ITGAV: variants seen among roughly 807,000 people sequenced by gnomAD.
ITGAV encodes integrin subunit alpha V, also known as integrin alpha-V.
Under a neutral mutation model 143.8 loss-of-function variants are expected in ITGAV, and 76 were observed. The ratio of observed to expected loss-of-function variants is 0.53; its 90% CI spans 0.44 to 0.64. The LOEUF is 0.64. ITGAV is among the 30% of genes least tolerant of loss of function. The pLI, the probability that ITGAV is intolerant of heterozygous loss-of-function variation, is 0.00. For missense variants in ITGAV, 1,193 were observed against 1,274.7 expected (o/e 0.94, Z 0.98); for synonymous variants, 453 against 446.7 (o/e 1.01, Z -0.18).
At chr2:186,605,452 A>G (rs994118866) in intron 2 of ITGAV, among the ~76,000 whole-genome samples, 3 of 151,594 alleles carry the variant, frequency 2.0e-5, no homozygotes, top group Non-Finnish European at 4.4e-5. Flanking sequence ...TAAAATTCCA[A>G]CTCCCTCTTC....
intron 7 of ITGAV, among the ~76,000 whole-genome samples, chr2:186,636,769 G>C (rs1366842042): frequency 6.6e-6 from 1 of 152,174 alleles, no homozygotes; most frequent in African/African-American, 2.4e-5. Flanking sequence ...CTTGCTGATT[G>C]AGAGAATTTA....
Position 186,655,808 on chromosome 2 carries a change from T to C in ITGAV, c.1565-439T>C, listed in dbSNP as rs62196179. On this transcript the variant is annotated intron_variant, in intron 16 of 29. Coordinates refer to ENST00000261023, the MANE Select transcript of ITGAV (RefSeq NM_002210.5). Reference sequence around the variant, plus strand: ...CAGGAGTTTCAAGTGGGGCAAACTGTTCATTCATCATAGTGTTTAATATGA... The same window carrying C: ...CAGGAGTTTCAAGTGGGGCAAACTGCTCATTCATCATAGTGTTTAATATGA... Among the ~76,000 whole-genome samples, 611 of 152,338 alleles carry C rather than the reference T, an allele frequency of 4.0e-3. 1 individual carries two copies. The highest frequency in any genetic ancestry group is 6.8e-3 in the Non-Finnish European group (460 of 68,034).
At chr2:186,669,664 A>G in intron 25 of ITGAV, 37 bp from the exon 26 acceptor site, 1 of 1,399,652 alleles carries the variant, frequency 7.1e-7, no homozygotes, top group Non-Finnish European at 1.0e-6. Context: ...GTTTTTCATT[A>G]TCATTTACCA....
In ITGAV at chr2:186,679,700, G is replaced by T. The variant is rs538816955; in HGVS notation, c.*2408G>T. On this transcript the variant is annotated 3_prime_UTR_variant, in exon 30 of 30. Coordinates refer to ENST00000261023, the MANE Select transcript of ITGAV (RefSeq NM_002210.5). ...ACATTTGACATTGGTAAGAAATATT[G>T]ATACTGATATTGATTTTTATATAGG... is the stretch of plus-strand genomic sequence containing the variant. 1.3e-5 allele frequency: 2 copies of T among 152,022 alleles called. No individual in the cohort carries two copies. The highest frequency in any genetic ancestry group is 3.9e-4 in the East Asian group (2 of 5,182). The allele number at this position is 152,022 out of a possible 1,614,324, so 9.4% of individuals were successfully genotyped here.
intron 3 of ITGAV, among the ~76,000 whole-genome samples, chr2:186,623,832 C>T (rs1410512195): frequency 6.6e-6 from 1 of 152,174 alleles, no homozygotes; most frequent in African/African-American, 2.4e-5. Flanking sequence ...ATCAGTAGAT[C>T]TACATGTCCG....
intron 2 of ITGAV, among the ~76,000 whole-genome samples, chr2:186,619,720 G>A (rs1322380764): frequency 6.6e-6 from 1 of 152,150 alleles, no homozygotes; most frequent in East Asian, 1.9e-4. Context: ...GCCAGGCAGG[G>A]TGGCCCACAC....
At chr2:186,600,407 T>C in intron 1 of ITGAV, 2 of 1,537,742 alleles carry the variant, frequency 1.3e-6, no homozygotes, top group Non-Finnish European at 1.8e-6. Context: ...ATAACTTCTC[T>C]GTCTACTTTA....
At chr2:186,627,404 C>G (rs1470755228) in intron 4 of ITGAV, among the ~76,000 whole-genome samples, 1 of 152,178 alleles carries the variant, frequency 6.6e-6, no homozygotes, top group East Asian at 1.9e-4. Flanking sequence ...GTATTAAGCA[C>G]AGCTTTTCTA....
intron 12 of ITGAV, among the ~76,000 whole-genome samples, chr2:186,645,821 A>G (rs1376215828): frequency 6.6e-6 from 1 of 151,940 alleles, no homozygotes; most frequent in Non-Finnish European, 1.5e-5. Flanking sequence ...AAACAAAAAA[A>G]ATTAGCCGGG....
chr2:186,620,440 C>T (rs914133112), intron 2 of ITGAV, among the ~76,000 whole-genome samples: 1 of 152,048 alleles, frequency 6.6e-6, no homozygotes, highest in Non-Finnish European at 1.5e-5. Context: ...AGACTAGGGA[C>T]GAAGGATAAG....
At chr2:186,662,625 T>G (rs1015264520) in intron 18 of ITGAV, among the ~76,000 whole-genome samples, 1 of 152,218 alleles carries the variant, frequency 6.6e-6, no homozygotes, top group Non-Finnish European at 1.5e-5. Flanking sequence ...CAAAGAAAAT[T>G]TCTAATAAAA....
intron 2 of ITGAV, among the ~76,000 whole-genome samples, chr2:186,604,025 G>A (rs781724592): frequency 9.2e-5 from 14 of 151,712 alleles, no homozygotes; most frequent in Middle Eastern, 3.4e-3. Context: ...CCACCAGCCC[G>A]GCTAGTTTTT....
intron 4 of ITGAV, among the ~76,000 whole-genome samples, chr2:186,626,350 C>T (rs946391646): frequency 5.9e-5 from 9 of 152,282 alleles, no homozygotes; most frequent in East Asian, 1.9e-4. Flanking sequence ...TTTTGTGCCC[C>T]GCTACCCTTT....
intron 26 of ITGAV, among the ~76,000 whole-genome samples, chr2:186,674,174 C>T (rs974599482): frequency 6.6e-6 from 1 of 152,132 alleles, no homozygotes; most frequent in Admixed American, 6.5e-5. Flanking sequence ...TAGAATCTCA[C>T]TACGTTGCCT....
intron 23 of ITGAV, 33 bp from the exon 24 acceptor site, chr2:186,667,638 A>C: frequency 8.3e-7 from 1 of 1,206,910 alleles, no homozygotes; most frequent in Non-Finnish European, 1.2e-6. Flanking sequence ...TCATTTTGAT[A>C]TTCATGGTAG....
intron 2 of ITGAV, among the ~76,000 whole-genome samples, chr2:186,618,883 C>A (rs1687442839): frequency 6.6e-6 from 1 of 152,116 alleles, no homozygotes; most frequent in Admixed American, 6.5e-5. Context: ...ACCATATGAT[C>A]TGGCAATCCC....
chr2:186,632,761 T>C (rs1374001370), intron 5 of ITGAV, among the ~76,000 whole-genome samples: 1 of 152,106 alleles, frequency 6.6e-6, no homozygotes, highest in Non-Finnish European at 1.5e-5. Flanking sequence ...TATACAAAAT[T>C]AAGAAGTGCC....
chr2:186,649,853 A>C lies in ITGAV; in HGVS notation c.1365A>C (p.Gly455=). Reference sequence around the variant, plus strand: ...CTCTTTCTTAAGACTTAATTGTAGGAGCTTTTGGTGTAGATCGAGCTATCT... The same window carrying C: ...CTCTTTCTTAAGACTTAATTGTAGGCGCTTTTGGTGTAGATCGAGCTATCT... ...DKNGYPDLIV[G]AFGVDRAILY... is the part of the protein sequence containing the mutation. Residue 455 remains glycine (G), a synonymous_variant, in exon 14 of 30, where the codon GGA becomes GGC. Transcript: ENST00000261023. 1 of 1,594,712 alleles carries C rather than the reference A, an allele frequency of 6.3e-7. No homozygotes were observed. Among genetic ancestry groups the C allele is most frequent in the Non-Finnish European group, 8.5e-7 (1 of 1,169,824 alleles).
chr2:186,665,095 CATTTTT>C, intron 20 of ITGAV, 25 bp from the exon 21 acceptor site: 1 of 1,020,660 alleles, frequency 9.8e-7, no homozygotes, highest in Non-Finnish European at 1.4e-6. Context: ...CTTTCATATC[CATTTTT>C]TTTTTTTTTT....
Sources: allele counts gnomAD v4.1 joint callset (sites outside exome capture counted in the v4.1 genomes callset), GRCh38; gene constraint gnomAD v4.1.1; transcripts MANE v1.5; gene names NCBI Gene and HGNC (gene_info 2026-07-23, HGNC 2026-07-21).